The following RARB variants were observed in gnomAD, a reference collection of about 807,000 sequenced individuals.
RARB encodes the protein HBV-activated protein.
Under a neutral mutation model 51.9 loss-of-function variants are expected in RARB, and 17 were observed. The observed-to-expected ratio is 0.33, with a 90% confidence interval of 0.22 to 0.49. The LOEUF (loss-of-function observed/expected upper bound fraction) is 0.49. RARB is among the 20% of genes least tolerant of loss of function. The pLI, the probability that RARB is intolerant of heterozygous loss-of-function variation, is 0.99. For missense variants in RARB, 369 were observed against 550.8 expected, an observed-to-expected ratio of 0.67 and a Z score of 3.30; for synonymous variants, 215 against 195.4, an observed-to-expected ratio of 1.10 and a Z score of -0.84.
At chr3:24,930,096 A>ATT (rs1480720879) in intron 2 of RARB, among the ~76,000 whole-genome samples, 1 of 152,198 alleles carries the variant, frequency 6.6e-6, no homozygotes. Flanking sequence ...TAATAGCGGG[A>ATT]TTTTTTTATT....
At chr3:25,294,694 GCTTCTCTCCTTC>G (rs1703876684) in intron 5 of RARB, among the ~76,000 whole-genome samples, 1 of 86,844 alleles carries the variant, frequency 1.2e-5, no homozygotes, top group Admixed American at 9.6e-5. Context: ...AGAGACCATA[GCTTCTCTCCTTC>G]CAACGGCCCG....
chr3:24,987,936 T>C (rs1696829672), intron 2 of RARB, among the ~76,000 whole-genome samples: 1 of 149,298 alleles, frequency 6.7e-6, no homozygotes, highest in South Asian at 2.2e-4. Context: ...CTTCTCTTCT[T>C]TCAACATCAA....
At chr3:25,335,264 GTCTCTCAT>G (rs879653155) in intron 5 of RARB, among the ~76,000 whole-genome samples, 20,821 of 136,986 alleles carry the variant, frequency 0.15, 1,548 homozygotes, top group African/African-American at 0.22. Flanking sequence ...ACTCTCTTAT[GTCTCTCAT>G]GATGACACAC....
chr3:25,596,525 G>A lies in RARB; in HGVS notation c.1256G>A (p.Ser419Asn), dbSNP rs751955933. The A allele has an allele frequency of 1.5e-5, 24 of 1,613,758 alleles. No individual in the cohort carries two copies. Among genetic ancestry groups the A allele is most frequent in the Non-Finnish European group, 2.0e-5 (24 of 1,179,684 alleles). Reference sequence around the variant, plus strand: ...GAAGGACATGAACCCTTGACCCCAAGTTCAAGTGGGAACACAGCAGAGCAC... The same window carrying A: ...GAAGGACATGAACCCTTGACCCCAAATTCAAGTGGGAACACAGCAGAGCAC... ...NSEGHEPLTPSSSGNTAEHSP... is the reference protein window; with the variant it reads ...NSEGHEPLTPNSSGNTAEHSP... Residue 419 changes from serine (S) to asparagine (N), a missense_variant, in exon 8 of 8, where the codon AGT (serine) becomes AAT (asparagine). Ser to Asn is a conservative substitution (Grantham distance 46). Coordinates refer to ENST00000330688, the MANE Select transcript of RARB (RefSeq NM_000965.5).
At chr3:25,181,748 G>C (rs1046886909) in intron 5 of RARB, among the ~76,000 whole-genome samples, 47 of 152,014 alleles carry the variant, frequency 3.1e-4, no homozygotes, top group African/African-American at 1.1e-3. Flanking sequence ...AATTATTTAG[G>C]ATTTTAATTG....
chr3:25,450,376 A>G (rs1160098220), intron 1 of RARB, among the ~76,000 whole-genome samples: 2 of 152,158 alleles, frequency 1.3e-5, no homozygotes, highest in Admixed American at 6.5e-5. Flanking sequence ...AAATCCTGCA[A>G]TGTAGTAAGC....
At chr3:25,376,665 G>C (rs1339240679) in intron 5 of RARB, among the ~76,000 whole-genome samples, 1 of 152,126 alleles carries the variant, frequency 6.6e-6, no homozygotes, top group Non-Finnish European at 1.5e-5. Context: ...TTTTCTGTTG[G>C]CATTAATGGA....
chr3:25,183,231 T>G (rs1700899776), intron 5 of RARB, among the ~76,000 whole-genome samples: 1 of 152,236 alleles, frequency 6.6e-6, no homozygotes, highest in South Asian at 2.1e-4. Flanking sequence ...CTACTTCATG[T>G]GGCTTCTTTG....
intron 3 of RARB, among the ~76,000 whole-genome samples, chr3:25,527,793 ATTATCT>A (rs1481078487): frequency 6.6e-6 from 1 of 152,170 alleles, no homozygotes; most frequent in East Asian, 1.9e-4. Context: ...ACTAACTGTG[ATTATCT>A]TTGCTTCTAT....
chr3:25,500,580 C>T (rs973840607), intron 2 of RARB, among the ~76,000 whole-genome samples: 6 of 149,874 alleles, frequency 4.0e-5, no homozygotes, highest in African/African-American at 9.8e-5. Flanking sequence ...CCCAGGTTCA[C>T]GCAATTCTCC....
chr3:25,099,788 G>A (rs17516267), intron 3 of RARB, among the ~76,000 whole-genome samples: 6,193 of 152,110 alleles, frequency 0.041, 163 homozygotes, highest in Middle Eastern at 0.075. Flanking sequence ...TGAACGTGGT[G>A]CATCCCAGAA....
At chr3:25,121,685 AG>A (rs550954248) in intron 3 of RARB, among the ~76,000 whole-genome samples, 119 of 152,334 alleles carry the variant, frequency 7.8e-4, no homozygotes, top group Middle Eastern at 3.4e-3. Flanking sequence ...TTTGATATCC[AG>A]TAACTTGTAC....
chr3:25,588,963 G>A (rs1020126736), intron 5 of RARB, among the ~76,000 whole-genome samples: 52 of 152,164 alleles, frequency 3.4e-4, no homozygotes, highest in African/African-American at 1.3e-3. Flanking sequence ...AAATCATTAA[G>A]TCCAGGCCAC....
chr3:24,879,408 G>C (rs913394433), intron 2 of RARB, among the ~76,000 whole-genome samples: 3 of 148,592 alleles, frequency 2.0e-5, no homozygotes, highest in Non-Finnish European at 4.4e-5. Context: ...CAGCCTGGGC[G>C]ACAGAGCAAG....
intron 2 of RARB, among the ~76,000 whole-genome samples, chr3:25,470,837 C>G (rs1354603091): frequency 1.3e-5 from 2 of 151,902 alleles, no homozygotes; most frequent in African/African-American, 4.8e-5. Context: ...TCATTATTAC[C>G]AAGTCATTAG....
intron 5 of RARB, among the ~76,000 whole-genome samples, chr3:25,205,836 G>C (rs1053427248): frequency 6.6e-6 from 1 of 151,836 alleles, no homozygotes; most frequent in Non-Finnish European, 1.5e-5. Flanking sequence ...TCAACCTCCT[G>C]GGCTCAAATG....
intron 3 of RARB, among the ~76,000 whole-genome samples, chr3:25,568,042 G>A (rs550330916): frequency 2.0e-4 from 31 of 152,204 alleles, no homozygotes; most frequent in African/African-American, 5.8e-4. Flanking sequence ...GTCCTGCGCC[G>A]GCTGGGAGGG....
chr3:25,463,704 GC>G, intron 2 of RARB, among the ~76,000 whole-genome samples: 2 of 151,608 alleles, frequency 1.3e-5, no homozygotes, highest in South Asian at 2.1e-4. Flanking sequence ...ATGTCACTCA[GC>G]CCCTCAAAGT....
intron 5 of RARB, among the ~76,000 whole-genome samples, chr3:25,374,363 G>T (rs957562883): frequency 1.5e-4 from 23 of 152,076 alleles, no homozygotes; most frequent in Admixed American, 1.3e-3. Flanking sequence ...ACAGGTAGTC[G>T]AATTGAGGAA....
Sources: gnomAD v4.1 joint callset for allele counts (sites outside exome capture counted in the v4.1 genomes callset) on GRCh38, gnomAD v4.1.1 for gene constraint, MANE v1.5 for transcripts, NCBI Gene and HGNC (gene_info 2026-07-23, HGNC 2026-07-21) for gene names.